RTN1: variants seen among roughly 807,000 people sequenced by gnomAD.
RTN1 encodes the protein reticulon-1.
Under a neutral mutation model 65.5 loss-of-function variants are expected in RTN1, and 25 were observed. The observed-to-expected ratio is 0.38, with a 90% CI of 0.28 to 0.53. The LOEUF (loss-of-function observed/expected upper bound fraction) is 0.53. RTN1 is among the 20% of genes least tolerant of loss of function. The pLI is 0.79. For missense variants in RTN1, 983 were observed against 1,025.4 expected, an observed-to-expected ratio of 0.96 and a Z score of 0.57; for synonymous variants, 471 against 447.6, an observed-to-expected ratio of 1.05 and a Z score of -0.66.
chr14:59,717,295 C>G (rs932748387), intron 3 of RTN1, among the ~76,000 whole-genome samples: 13 of 152,230 alleles, frequency 8.5e-5, no homozygotes, highest in African/African-American at 3.1e-4. Context: ...AAATGAAGTG[C>G]CTGCCAGAAG....
chr14:59,603,823 A>G, intron 6 of RTN1, 29 bp downstream of exon 6: 8 of 1,585,428 alleles, frequency 5.0e-6, no homozygotes, highest in Non-Finnish European at 6.9e-6. Context: ...GGGGTGAAGG[A>G]AGACGTATAC....
At chr14:59,738,930 AT>A (rs1382007566) in intron 2 of RTN1, among the ~76,000 whole-genome samples, 1 of 152,178 alleles carries the variant, frequency 6.6e-6, no homozygotes, top group Admixed American at 6.5e-5. Context: ...GTTCTCACTT[AT>A]AAGTGGGAAC....
At chr14:59,814,863 T>C (rs1886792905) in intron 1 of RTN1, among the ~76,000 whole-genome samples, 1 of 152,236 alleles carries the variant, frequency 6.6e-6, no homozygotes, top group Admixed American at 6.5e-5. Context: ...AAAGTTACCC[T>C]GATTTATGTT....
intron 3 of RTN1, among the ~76,000 whole-genome samples, chr14:59,681,181 C>T (rs911125980): frequency 6.6e-6 from 1 of 152,048 alleles, no homozygotes; most frequent in Non-Finnish European, 1.5e-5. Context: ...TTATTAAATA[C>T]ATCTTAGATT....
intron 2 of RTN1, among the ~76,000 whole-genome samples, chr14:59,736,853 G>C (rs1457048838): frequency 6.8e-6 from 1 of 147,728 alleles, no homozygotes; most frequent in Non-Finnish European, 1.5e-5. Flanking sequence ...TTACAACTTT[G>C]GTTCAACATA....
chr14:59,744,165 C>T (rs1885169105), intron 2 of RTN1, among the ~76,000 whole-genome samples: 3 of 152,174 alleles, frequency 2.0e-5, no homozygotes, highest in African/African-American at 7.2e-5. Context: ...TGGATTTGTA[C>T]TATACCATCA....
At chr14:59,650,233 C>T (rs1882994107) in intron 3 of RTN1, among the ~76,000 whole-genome samples, 1 of 152,160 alleles carries the variant, frequency 6.6e-6, no homozygotes, top group African/African-American at 2.4e-5. Context: ...GGGAACATCA[C>T]ACACCAGGGC....
Position 59,727,129 on chromosome 14 carries a change from G to C in RTN1, c.1555C>G (p.Pro519Ala). 1.2e-6 allele frequency: 2 copies of C among 1,605,768 alleles called. No homozygotes were observed. Among genetic ancestry groups the C allele is most frequent in the Non-Finnish European group, 8.5e-7 (1 of 1,176,238 alleles). Residue 519 changes from proline to alanine, a missense_variant, in exon 3 of 9, where the codon CCG (proline) becomes GCG (alanine). Coordinates refer to ENST00000267484, the MANE Select transcript of RTN1 (RefSeq NM_021136.3). The surrounding 1 kb of genome is among the most constrained non-coding windows in gnomAD (Gnocchi z 4.2). ...GAGGGGTAGTCGAGGAAGGAACCCG[G>C]CTCGGCCAGGCCCCGCCGGCTTGGC... Reference protein sequence around the residue: ...RAPSRRGLAEPGSFLDYPSTE... With the variant: ...RAPSRRGLAEAGSFLDYPSTE...
chr14:59,754,530 G>C (rs1160365111), intron 1 of RTN1, among the ~76,000 whole-genome samples: 1 of 152,114 alleles, frequency 6.6e-6, no homozygotes, highest in Non-Finnish European at 1.5e-5. Context: ...GAGATGTTGG[G>C]TAAGTTAGCC....
In RTN1 at chr14:59,605,422, T is replaced by C. The variant is rs1308844937; in HGVS notation, c.2058A>G (p.Thr686=). The C allele has an allele frequency of 1.9e-6, 3 of 1,614,042 alleles. No homozygotes were observed. The highest frequency in any genetic ancestry group is 4.5e-5 in the East Asian group (2 of 44,898). Residue 686 remains threonine (T), a synonymous_variant, in exon 5 of 9, where the codon ACA becomes ACG. Coordinates refer to ENST00000267484, the MANE Select transcript of RTN1 (RefSeq NM_021136.3). Reference sequence around the variant, plus strand: ...GGAAGAGCCTCCTCAGTTCCTTAAGTGTGCTGTTCACGTAGAACTGCAGGC... The same window carrying C: ...GGAAGAGCCTCCTCAGTTCCTTAAGCGTGCTGTTCACGTAGAACTGCAGGC... The part of the protein sequence containing the change: ...TDCLQFYVNS[T]LKELRRLFLV...
intron 1 of RTN1, among the ~76,000 whole-genome samples, chr14:59,787,713 G>A (rs1185423566): frequency 6.6e-6 from 1 of 152,134 alleles, no homozygotes; most frequent in African/African-American, 2.4e-5. Flanking sequence ...GCTGGTGGCA[G>A]GGCTGTTGTG....
Position 59,691,408 on chromosome 14 carries a change from A to C in RTN1, c.1765+35511T>G, listed in dbSNP as rs184153912. On this transcript the variant is annotated intron_variant, in intron 3 of 8. Coordinates refer to ENST00000267484, the MANE Select transcript of RTN1 (RefSeq NM_021136.3). ...AGGAAGAAACTGAAACCCTGAATAC[A>C]CCAATATCAAGTTCTGAAGTTGAAG... Among the ~76,000 whole-genome samples, 81 of 152,294 alleles carry C rather than the reference A, an allele frequency of 5.3e-4. No individual in the cohort carries two copies. In the South Asian group the frequency reaches 8.7e-3, roughly 16 times the overall value.
chr14:59,820,480 A>C (rs1480101914), intron 1 of RTN1, among the ~76,000 whole-genome samples: 1 of 151,166 alleles, frequency 6.6e-6, no homozygotes, highest in Non-Finnish European at 1.5e-5. Context: ...TGGTGAAGAC[A>C]TATGCCCAGA....
intron 1 of RTN1, among the ~76,000 whole-genome samples, chr14:59,848,446 T>C (rs1009480552): frequency 2.0e-5 from 3 of 152,244 alleles, no homozygotes; most frequent in South Asian, 2.1e-4. Context: ...CAAGAATTGT[T>C]TTATTTTTTA....
chr14:59,721,530 A>C (rs925828502), intron 3 of RTN1, among the ~76,000 whole-genome samples: 3 of 152,176 alleles, frequency 2.0e-5, no homozygotes, highest in Non-Finnish European at 4.4e-5. Context: ...GCCAGTTCTC[A>C]TTCTGTAGTT....
chr14:59,813,274 GA>G (rs2139615557), intron 1 of RTN1, among the ~76,000 whole-genome samples: 2 of 152,256 alleles, frequency 1.3e-5, no homozygotes, highest in Admixed American at 1.3e-4. Flanking sequence ...ATTGGAAACT[GA>G]ATTTTCTAAT....
At chr14:59,802,923 A>G (rs1230474664) in intron 1 of RTN1, among the ~76,000 whole-genome samples, 1 of 152,140 alleles carries the variant, frequency 6.6e-6, no homozygotes, top group Non-Finnish European at 1.5e-5. Context: ...AATACCTCCT[A>G]GAAGAGATGA....
intron 1 of RTN1, among the ~76,000 whole-genome samples, chr14:59,784,795 C>T (rs1386261020): frequency 3.3e-5 from 5 of 152,112 alleles, no homozygotes; most frequent in Non-Finnish European, 7.4e-5. Flanking sequence ...CTCTTGGTAG[C>T]TGAGGAGTAT....
chr14:59,779,374 A>G (rs1283910837), intron 1 of RTN1, among the ~76,000 whole-genome samples: 3 of 152,074 alleles, frequency 2.0e-5, no homozygotes, highest in Non-Finnish European at 4.4e-5. Flanking sequence ...CCTGGGAAAC[A>G]TACTCTAAAT....
Sources: gnomAD v4.1 joint callset for allele counts (sites outside exome capture counted in the v4.1 genomes callset) on GRCh38, gnomAD v4.1.1 for gene constraint, Gnocchi (gnomAD v3.1) non-coding constraint, MANE v1.5 for transcripts, NCBI Gene and HGNC (gene_info 2026-07-23, HGNC 2026-07-21) for gene names.